TRAPPC9: variants seen among roughly 807,000 people sequenced by gnomAD.
TRAPPC9 encodes the protein trafficking protein particle complex subunit 9.
A neutral mutation model predicts 124.0 loss-of-function variants in TRAPPC9; 83 were observed. The ratio of observed to expected loss-of-function variants is 0.67; its 90% confidence interval spans 0.56 to 0.80. The LOEUF (loss-of-function observed/expected upper bound fraction) is 0.80, where lower values mean the gene tolerates loss of function less well. TRAPPC9 is among the 30% of genes least tolerant of loss of function. The pLI is 0.00. For missense variants in TRAPPC9, 1,302 were observed against 1,508.3 expected, an observed-to-expected ratio of 0.86 and a Z score of 2.27; for synonymous variants, 638 against 617.5, an observed-to-expected ratio of 1.03 and a Z score of -0.49.
intron 17 of TRAPPC9, among the ~76,000 whole-genome samples, chr8:140,200,641 G>A (rs757198047): frequency 1.4e-4 from 22 of 152,066 alleles, no homozygotes; most frequent in African/African-American, 4.8e-4. Context: ...ATATCTGACC[G>A]GCACTCCTCA....
chr8:139,891,038 A>G (rs1238949165), intron 20 of TRAPPC9, among the ~76,000 whole-genome samples: 7 of 152,140 alleles, frequency 4.6e-5, no homozygotes, highest in African/African-American at 1.7e-4. Flanking sequence ...GTAAACGGCA[A>G]CCCACGCTCA....
chr8:139,891,159 G>A (rs1830322397), intron 20 of TRAPPC9, among the ~76,000 whole-genome samples: 1 of 152,246 alleles, frequency 6.6e-6, no homozygotes, highest in Non-Finnish European at 1.5e-5. Context: ...CATTGCCACA[G>A]ATAATGAGTG....
intron 17 of TRAPPC9, among the ~76,000 whole-genome samples, chr8:140,148,778 G>A (rs982846705): frequency 1.3e-5 from 2 of 152,166 alleles, no homozygotes; most frequent in Non-Finnish European, 1.5e-5. Flanking sequence ...AAAACATTTT[G>A]GGGACTAGTA....
chr8:140,272,105 G>GATTA (rs1357109556), intron 15 of TRAPPC9, among the ~76,000 whole-genome samples: 28 of 75,228 alleles, frequency 3.7e-4, no homozygotes, highest in African/African-American at 9.5e-4. Context: ...TGAGGTGATT[G>GATTA]TGGTGGTGGC....
intron 21 of TRAPPC9, among the ~76,000 whole-genome samples, chr8:139,831,661 G>A (rs979183199): frequency 3.3e-5 from 5 of 152,150 alleles, no homozygotes; most frequent in Non-Finnish European, 5.9e-5. Flanking sequence ...TCTCCATCCA[G>A]TCATCCACCC....
intron 18 of TRAPPC9, among the ~76,000 whole-genome samples, chr8:140,020,310 T>C (rs577195625): frequency 6.6e-6 from 1 of 152,324 alleles, no homozygotes; most frequent in East Asian, 1.9e-4. Context: ...AAAGAAGCAA[T>C]ATCACTGATT....
In TRAPPC9 at chr8:140,296,545, C is replaced by A. The variant is rs577616587; in HGVS notation, c.1768+3924G>T. On this transcript the variant is annotated intron_variant, in intron 11 of 22. Coordinates refer to ENST00000438773, the MANE Select transcript of TRAPPC9 (RefSeq NM_001160372.4). ...CCTCCCAAAGTGCTGGGATTACAGG[C>A]GTGGGCCACCACACTCGGCCAACAA... Among the ~76,000 whole-genome samples, 4 of 152,314 alleles carry A rather than the reference C, an allele frequency of 2.6e-5. No homozygotes were observed. In the East Asian group the frequency reaches 7.7e-4, roughly 29 times the overall value.
At chr8:140,001,243 G>T (rs578246850) in intron 18 of TRAPPC9, among the ~76,000 whole-genome samples, 125 of 152,254 alleles carry the variant, frequency 8.2e-4, no homozygotes, top group Non-Finnish European at 1.6e-3. Flanking sequence ...GCACACCAGG[G>T]GGGTGAGGGG....
At position 139,979,468 on chromosome 8, in the gene TRAPPC9, C is replaced by T. The variant is rs113943186; in HGVS notation, c.2810+9258G>A. Reference sequence around the variant, plus strand: ...CTCGCAGACAGCTGCAGCCTGGCGTCATGGCTCCTGCACTCGGGTGCACGG... The same window carrying T: ...CTCGCAGACAGCTGCAGCCTGGCGTTATGGCTCCTGCACTCGGGTGCACGG... On this transcript the variant is annotated intron_variant, in intron 19 of 22. Coordinates refer to ENST00000438773, the MANE Select transcript of TRAPPC9 (RefSeq NM_001160372.4). Among the ~76,000 whole-genome samples the T allele has an allele frequency of 3.9e-3, 588 of 152,326 alleles. 6 individuals carry two copies. Among genetic ancestry groups the T allele is most frequent in the African/African-American group, 0.013 (556 of 41,584 alleles).
At chr8:140,379,289 G>C (rs921612513) in intron 7 of TRAPPC9, among the ~76,000 whole-genome samples, 7 of 152,026 alleles carry the variant, frequency 4.6e-5, no homozygotes, top group Non-Finnish European at 8.8e-5. Context: ...TGCTGCCTGG[G>C]GCCGGAGGAG....
rs1411440836 is a variant in TRAPPC9, at chr8:140,047,894, C to G, written c.2557-23815G>C. On this transcript the variant is annotated intron_variant, in intron 17 of 22. Coordinates refer to ENST00000438773, the MANE Select transcript of TRAPPC9 (RefSeq NM_001160372.4). ...TCGGGGCAGAAGTGGAGGGCGAGGT[C>G]AGGAGACAAAGGGCCACCAGGGGCC... Among the ~76,000 whole-genome samples the G allele has an allele frequency of 2.0e-5, 3 of 152,188 alleles. No individual in the cohort carries two copies. In the East Asian group the frequency reaches 5.8e-4, roughly 29 times the overall value.
At chr8:139,945,027 G>C (rs1192106326) in intron 19 of TRAPPC9, among the ~76,000 whole-genome samples, 1 of 152,142 alleles carries the variant, frequency 6.6e-6, no homozygotes, top group Non-Finnish European at 1.5e-5. Flanking sequence ...AGGAGGCTGA[G>C]GCAAGAGAAT....
At chr8:140,326,237 A>AAAG (rs1242427574) in intron 9 of TRAPPC9, among the ~76,000 whole-genome samples, 2 of 151,558 alleles carry the variant, frequency 1.3e-5, no homozygotes, top group East Asian at 3.9e-4. Flanking sequence ...AAAAAAAAAA[A>AAAG]AAGAAGAAGA....
chr8:139,991,848 A>G (rs534196950), intron 18 of TRAPPC9, among the ~76,000 whole-genome samples: 1 of 152,268 alleles, frequency 6.6e-6, no homozygotes, highest in East Asian at 1.9e-4. Flanking sequence ...ACGTATTAAT[A>G]AAACCACTCT....
chr8:139,876,410 G>A (rs1202411206), intron 21 of TRAPPC9, among the ~76,000 whole-genome samples: 1 of 152,226 alleles, frequency 6.6e-6, no homozygotes. Flanking sequence ...ATCCTCATGC[G>A]TACCGGGACT....
At position 140,106,796 on chromosome 8, in the gene TRAPPC9, G is replaced by A. The variant is rs1295739932; in HGVS notation, c.2557-82717C>T. Among the ~76,000 whole-genome samples, 4 of 152,112 alleles carry A rather than the reference G, an allele frequency of 2.6e-5. No homozygotes were observed. In the South Asian group the frequency reaches 8.3e-4, roughly 32 times the overall value. ...CGAAGCAAGATAGCCTATATAAAGG[G>A]CTTGAACAGTGCCAAGCTCCACAGA... On this transcript the variant is annotated intron_variant, in intron 17 of 22. Coordinates refer to ENST00000438773, the MANE Select transcript of TRAPPC9 (RefSeq NM_001160372.4).
At chr8:140,222,073 C>T (rs1003112049) in intron 16 of TRAPPC9, among the ~76,000 whole-genome samples, 1 of 152,146 alleles carries the variant, frequency 6.6e-6, no homozygotes, top group African/African-American at 2.4e-5. Context: ...GACCAAGGCC[C>T]CAGCCTTCCC....
At chr8:139,763,676 G>A (rs911502839) in intron 21 of TRAPPC9, among the ~76,000 whole-genome samples, 11 of 152,178 alleles carry the variant, frequency 7.2e-5, no homozygotes, top group African/African-American at 1.7e-4. Context: ...GCACGCACGC[G>A]TGCACACACA....
intron 21 of TRAPPC9, among the ~76,000 whole-genome samples, chr8:139,765,541 G>A (rs533966724): frequency 2.0e-5 from 3 of 152,354 alleles, no homozygotes; most frequent in South Asian, 4.1e-4. Flanking sequence ...GGGAAGAACA[G>A]TTTAGAAATA....
Sources: gnomAD v4.1 joint callset for allele counts (sites outside exome capture counted in the v4.1 genomes callset) on GRCh38, gnomAD v4.1.1 for gene constraint, MANE v1.5 for transcripts, NCBI Gene and HGNC (gene_info 2026-07-23, HGNC 2026-07-21) for gene names.